The following GRID2 variants were observed in gnomAD, a reference collection of about 807,000 sequenced individuals.
GRID2 encodes the protein glutamate receptor ionotropic, delta-2.
In GRID2, 33 loss-of-function variants were observed where a neutral mutation model predicts 114.8. That is an observed-to-expected ratio of 0.29 (90% CI 0.22 to 0.38). GRID2 has a LOEUF of 0.38. GRID2 is among the 10% of genes least tolerant of loss of function. The pLI is 1.00. For missense variants in GRID2, 1,184 were observed against 1,257.7 expected (o/e 0.94, Z 0.89); for synonymous variants, 505 against 449.9 (o/e 1.12, Z -1.55).
chr4:93,011,225 G>T lies in GRID2; in HGVS notation c.245-73770G>T, dbSNP rs546350105. Reference sequence around the variant, plus strand: ...TCAGTTGAAAATTTTTGCTGTCTGTGTTTTTTCTTTCTATAAATTTGTATA... The same window carrying T: ...TCAGTTGAAAATTTTTGCTGTCTGTTTTTTTTCTTTCTATAAATTTGTATA... On this transcript the variant is annotated intron_variant, in intron 2 of 15. Coordinates refer to ENST00000282020, the MANE Select transcript of GRID2 (RefSeq NM_001510.4). 3.5e-3 allele frequency among the ~76,000 whole-genome samples: 521 copies of T among 150,512 alleles called. 4 individuals carry two copies. Among genetic ancestry groups the T allele is most frequent in the African/African-American group, 0.012 (499 of 41,048 alleles).
At chr4:92,722,624 A>T (rs1735865072) in intron 2 of GRID2, among the ~76,000 whole-genome samples, 3 of 152,050 alleles carry the variant, frequency 2.0e-5, no homozygotes, top group Admixed American at 2.0e-4. Flanking sequence ...TATACCAGAG[A>T]CTTATGACTG....
At chr4:92,920,891 G>T (rs566060809) in intron 2 of GRID2, among the ~76,000 whole-genome samples, 2 of 152,146 alleles carry the variant, frequency 1.3e-5, no homozygotes, top group South Asian at 4.2e-4. Context: ...TTGAATGTTG[G>T]TCTGCCTTGC....
chr4:92,797,521 C>A (rs1462055484), intron 2 of GRID2, among the ~76,000 whole-genome samples: 7 of 151,794 alleles, frequency 4.6e-5, no homozygotes, highest in Admixed American at 3.9e-4. Context: ...ACATGTTTTG[C>A]ATATATTTTT....
intron 2 of GRID2, among the ~76,000 whole-genome samples, chr4:92,593,679 C>A (rs1471147884): frequency 6.6e-6 from 1 of 151,812 alleles, no homozygotes; most frequent in East Asian, 1.9e-4. Flanking sequence ...AAAAAAATTT[C>A]TGTTTTCACA....
intron 8 of GRID2, among the ~76,000 whole-genome samples, chr4:93,359,661 G>A (rs1400996789): frequency 6.7e-6 from 1 of 150,128 alleles, no homozygotes; most frequent in Non-Finnish European, 1.5e-5. Flanking sequence ...GTGAGAACAT[G>A]TGATGTTTAT....
chr4:93,358,953 C>T (rs1270786412), intron 8 of GRID2, among the ~76,000 whole-genome samples: 1 of 151,972 alleles, frequency 6.6e-6, no homozygotes, highest in Non-Finnish European at 1.5e-5. Flanking sequence ...CTGTGTTCTC[C>T]ATCACTCAAT....
At chr4:93,521,754 C>T (rs1338381152) in intron 13 of GRID2, among the ~76,000 whole-genome samples, 1 of 151,962 alleles carries the variant, frequency 6.6e-6, no homozygotes, top group Non-Finnish European at 1.5e-5. Context: ...CAAGAATAAA[C>T]ACAGAACTAA....
intron 2 of GRID2, among the ~76,000 whole-genome samples, chr4:93,030,521 A>G (rs893235682): frequency 2.6e-5 from 4 of 151,916 alleles, no homozygotes; most frequent in African/African-American, 9.7e-5. Context: ...AGTAGCAGGG[A>G]TTACAGGCAT....
intron 3 of GRID2, among the ~76,000 whole-genome samples, chr4:93,092,576 T>C (rs575717709): frequency 2.6e-5 from 4 of 152,144 alleles, no homozygotes; most frequent in African/African-American, 9.6e-5. Context: ...CGGTAAATGG[T>C]AGATCATGTC....
At chr4:92,725,715 A>C (rs1031478091) in intron 2 of GRID2, among the ~76,000 whole-genome samples, 3 of 152,172 alleles carry the variant, frequency 2.0e-5, no homozygotes, top group African/African-American at 7.2e-5. Context: ...GATTTTAAGA[A>C]AATCTTCTGA....
intron 4 of GRID2, among the ~76,000 whole-genome samples, chr4:93,170,410 A>G (rs947001247): frequency 6.6e-6 from 1 of 152,074 alleles, no homozygotes; most frequent in African/African-American, 2.4e-5. Context: ...GTAATAAACA[A>G]TGGAATCCAG....
chr4:93,797,108 A>G (rs1446884836), intron 1 of GRID2, among the ~76,000 whole-genome samples: 4 of 152,222 alleles, frequency 2.6e-5, no homozygotes, highest in African/African-American at 9.7e-5. Flanking sequence ...GTATTTGTGA[A>G]TCTAAACATA....
chr4:92,411,679 G>A (rs1270399927), intron 1 of GRID2, among the ~76,000 whole-genome samples: 8 of 78,996 alleles, frequency 1.0e-4, no homozygotes, highest in Admixed American at 4.5e-4. Context: ...ATATATATAT[G>A]AAATATACCC....
At chr4:92,591,071 C>T (rs905420411) in intron 2 of GRID2, among the ~76,000 whole-genome samples, 3 of 152,056 alleles carry the variant, frequency 2.0e-5, no homozygotes, top group Non-Finnish European at 1.5e-5. Context: ...CCTCCTACCC[C>T]GCTGCATAGG....
At chr4:93,614,060 G>A (rs1172411090) in intron 13 of GRID2, among the ~76,000 whole-genome samples, 1 of 152,050 alleles carries the variant, frequency 6.6e-6, no homozygotes, top group Non-Finnish European at 1.5e-5. Context: ...ATTCGGGTGG[G>A]AGTGACCCGA....
At chr4:92,860,657 G>A (rs1453344187) in intron 2 of GRID2, among the ~76,000 whole-genome samples, 1 of 152,082 alleles carries the variant, frequency 6.6e-6, no homozygotes, top group Non-Finnish European at 1.5e-5. Context: ...GAAAATGAGA[G>A]GAAAAGTGAT....
At chr4:92,969,609 T>C (rs1753369762) in intron 2 of GRID2, among the ~76,000 whole-genome samples, 1 of 151,828 alleles carries the variant, frequency 6.6e-6, no homozygotes, top group African/African-American at 2.4e-5. Flanking sequence ...TTAATCTTCC[T>C]CATAACGCTA....
chr4:92,953,007 T>G (rs2149137304), intron 2 of GRID2, among the ~76,000 whole-genome samples: 1 of 152,278 alleles, frequency 6.6e-6, no homozygotes, highest in East Asian at 1.9e-4. Context: ...TACTTTCAGC[T>G]ACATTACTCC....
At chr4:92,857,901 C>T (rs1744280919) in intron 2 of GRID2, among the ~76,000 whole-genome samples, 1 of 152,120 alleles carries the variant, frequency 6.6e-6, no homozygotes, top group African/African-American at 2.4e-5. Flanking sequence ...AAGTTGAAGC[C>T]ATTGCTCATT....
Sources: gnomAD v4.1 joint callset for allele counts (sites outside exome capture counted in the v4.1 genomes callset) on GRCh38, gnomAD v4.1.1 for gene constraint, MANE v1.5 for transcripts, NCBI Gene and HGNC (gene_info 2026-07-23, HGNC 2026-07-21) for gene names.